The following ZBBX variants were observed in gnomAD, a reference collection of about 807,000 sequenced individuals.
ZBBX encodes the protein zinc finger B-box domain-containing protein 1.
ZBBX carries 101 observed loss-of-function variants against 108.5 expected under a neutral mutation model. The observed-to-expected ratio is 0.93, with a 90% CI of 0.79 to 1.10. The LOEUF is 1.10. ZBBX is among the 50% of genes least tolerant of loss of function. The probability of loss-of-function intolerance (pLI) is 0.00; values close to 1 mark genes in which losing one functional copy is unlikely to be tolerated. For missense variants in ZBBX, 1,009 were observed against 941.4 expected, an observed-to-expected ratio of 1.07 and a Z score of -0.94; for synonymous variants, 356 against 323.4, an observed-to-expected ratio of 1.10 and a Z score of -1.08.
intron 10 of ZBBX, among the ~76,000 whole-genome samples, chr3:167,330,977 T>TCTCTCTCTC (rs1553820893): frequency 9.9e-5 from 2 of 20,230 alleles, no homozygotes; most frequent in Non-Finnish European, 2.3e-4. Context: ...CCCACTCCCC[T>TCTCTCTCTC]TCTGTATGCA....
Position 167,252,737 on chromosome 3 carries a change from G to A in ZBBX, c.2255-10094C>T, listed in dbSNP as rs542990923. 6.6e-5 allele frequency among the ~76,000 whole-genome samples: 10 copies of A among 152,200 alleles called. No individual in the cohort carries two copies. The South Asian group carries it at 2.1e-3, about 32-fold the overall frequency. ...AGTTATGTGTTCTAGTGAAAATACT[G>A]ATGTTAGTGTATGAGAAAATAAGTG... On this transcript the variant is annotated intron_variant, in intron 20 of 21. Transcript: ENST00000675490.
At chr3:167,307,923 G>A (rs758159451) in intron 16 of ZBBX, among the ~76,000 whole-genome samples, 19 of 152,060 alleles carry the variant, frequency 1.2e-4, no homozygotes. Context: ...TCATGACAAA[G>A]ATGCCAAAAG....
chr3:167,346,920 CAATT>C (rs1260408426), intron 9 of ZBBX, among the ~76,000 whole-genome samples: 1 of 151,754 alleles, frequency 6.6e-6, no homozygotes, highest in African/African-American at 2.4e-5. Flanking sequence ...AGCTACAAGA[CAATT>C]GATTAAAATC....
chr3:167,396,530 C>A (rs551099404), intron 1 of ZBBX, among the ~76,000 whole-genome samples: 1 of 152,094 alleles, frequency 6.6e-6, no homozygotes, highest in African/African-American at 2.4e-5. Context: ...ATTTTCTTTA[C>A]CCAGATTGGG....
rs772799368 is a variant in ZBBX at position 167,350,467 on chromosome 3, C to G, written c.481G>C (p.Val161Leu). The G allele has an allele frequency of 2.5e-6, 4 of 1,598,284 alleles. No homozygotes were observed. The highest frequency in any genetic ancestry group is 3.4e-6 in the Non-Finnish European group (4 of 1,170,164). ...AGCTTTAGTGCCCCTTTCTGGTGAA[C>G]TTTAGCAAAGCATCCTGAACAATAA... ...EDYCSGCFAK[V>L]HQKGALKLHR... is the part of the protein sequence containing the mutation. Residue 161 changes from valine (V) to leucine (L), a missense_variant, in exon 9 of 22, where the codon GTT becomes CTT. Physicochemically the swap from Val to Leu is conservative, Grantham distance 32 (BLOSUM62 1). Transcript: ENST00000675490.
At chr3:167,300,018 T>C (rs1431136242) in intron 17 of ZBBX, among the ~76,000 whole-genome samples, 3 of 152,188 alleles carry the variant, frequency 2.0e-5, no homozygotes, top group East Asian at 1.9e-4. Context: ...TTTATAGAGA[T>C]TGGCCATCTC....
the ZBBX span, among the ~76,000 whole-genome samples, chr3:167,188,725 A>T: frequency 6.6e-6 from 1 of 152,186 alleles, no homozygotes; most frequent in Admixed American, 6.5e-5. Flanking sequence ...TTATTCATTT[A>T]CTGCCAGTTG....
chr3:167,291,210 C>A (rs1220200966), intron 18 of ZBBX, among the ~76,000 whole-genome samples: 3 of 151,806 alleles, frequency 2.0e-5, no homozygotes, highest in Non-Finnish European at 4.4e-5. Context: ...CAGAGAACAC[C>A]AAAAAGATAT....
At chr3:167,319,150 GA>G (rs1172704518) in intron 12 of ZBBX, among the ~76,000 whole-genome samples, 18 of 152,058 alleles carry the variant, frequency 1.2e-4, no homozygotes, top group Middle Eastern at 3.4e-3. Flanking sequence ...AACCTGTTAT[GA>G]AAATATTTTT....
intron 8 of ZBBX, among the ~76,000 whole-genome samples, chr3:167,355,082 T>C (rs1037915933): frequency 2.0e-5 from 3 of 151,990 alleles, no homozygotes; most frequent in East Asian, 1.9e-4. Flanking sequence ...TTAACAAATA[T>C]CTTGTTAATT....
rs568471731 is a variant in ZBBX at position 167,369,778 on chromosome 3, G to A, written c.69-1204C>T. ...CCCTGTGAATGCAGGAACAGTTCCT[G>A]GAGAAGGTGAAGTATGAGCTGAAAC... On this transcript the variant is annotated intron_variant, in intron 4 of 21. Coordinates refer to ENST00000675490, the MANE Select transcript of ZBBX (RefSeq NM_001199201.2). Among the ~76,000 whole-genome samples, 132 of 152,264 alleles carry A rather than the reference G, an allele frequency of 8.7e-4. 1 individual carries two copies. The highest frequency in any genetic ancestry group is 3.1e-3 in the African/African-American group (128 of 41,546).
chr3:167,192,785 G>C, the ZBBX span, among the ~76,000 whole-genome samples: 1 of 152,022 alleles, frequency 6.6e-6, no homozygotes, highest in Non-Finnish European at 1.5e-5. Flanking sequence ...TTCAGCAAAT[G>C]TATTTCTCAG....
intron 7 of ZBBX, 93 bp downstream of exon 7, chr3:167,360,582 C>A: frequency 1.4e-6 from 1 of 724,076 alleles, no homozygotes; most frequent in Non-Finnish European, 2.0e-6. Context: ...TTATACTGCC[C>A]GGACAATTCT....
intron 20 of ZBBX, among the ~76,000 whole-genome samples, chr3:167,274,976 T>C (rs930336978): frequency 1.3e-5 from 2 of 152,218 alleles, no homozygotes; most frequent in African/African-American, 4.8e-5. Context: ...ACTAAATTTA[T>C]ATTCGAGTGC....
intron 9 of ZBBX, among the ~76,000 whole-genome samples, chr3:167,344,447 A>G (rs1321377052): frequency 6.6e-6 from 1 of 151,730 alleles, no homozygotes; most frequent in Non-Finnish European, 1.5e-5. Context: ...TCTTTTGGCT[A>G]TCCCAACATT....
intron 20 of ZBBX, among the ~76,000 whole-genome samples, chr3:167,276,609 T>C (rs1727635287): frequency 6.6e-6 from 1 of 152,192 alleles, no homozygotes; most frequent in South Asian, 2.1e-4. Flanking sequence ...AGACCAAATC[T>C]ACGTCTGACT....
chr3:167,276,299 C>T (rs1304120278), intron 20 of ZBBX, among the ~76,000 whole-genome samples: 14 of 151,324 alleles, frequency 9.3e-5, no homozygotes, highest in East Asian at 3.9e-4. Flanking sequence ...CTCCGCGCTA[C>T]GGGAGAACAT....
the ZBBX span, among the ~76,000 whole-genome samples, chr3:167,210,017 G>A: frequency 6.6e-6 from 1 of 152,292 alleles, no homozygotes; most frequent in South Asian, 2.1e-4. Flanking sequence ...TTGAACCTAG[G>A]AAGTGGAGGT....
chr3:167,368,549 T>C lies in ZBBX; in HGVS notation c.94A>G (p.Lys32Glu). 6.2e-7 allele frequency: 1 copy of C among 1,610,264 alleles called. No individual in the cohort carries two copies. Among genetic ancestry groups the C allele is most frequent in the Non-Finnish European group, 8.5e-7 (1 of 1,177,948 alleles). ...YRNAQELRME[K>E]VQLEFENQEM... is the part of the protein sequence containing the mutation. The stretch of plus-strand genomic sequence containing the variant: ...TGGTTCTCAAACTCTAACTGTACTT[T>C]CTCCATTCGCAGTTCTTGAGCATTT... Residue 32 changes from lysine (K) to glutamate (E), a missense_variant, in exon 5 of 22, where the codon AAA becomes GAA. By Grantham distance (56) the Lys-to-Glu change is moderately conservative. Coordinates refer to ENST00000675490, the MANE Select transcript of ZBBX (RefSeq NM_001199201.2).
Sources: gnomAD v4.1 joint callset for allele counts (sites outside exome capture counted in the v4.1 genomes callset) on GRCh38, gnomAD v4.1.1 for gene constraint, MANE v1.5 for transcripts, NCBI Gene and HGNC (gene_info 2026-07-23, HGNC 2026-07-21) for gene names.